CYTIP: variants seen among roughly 807,000 people sequenced by gnomAD.
The protein encoded by CYTIP is cytohesin 1 interacting protein, also known as cytohesin-interacting protein.
In CYTIP, 26 loss-of-function variants were observed where a neutral mutation model predicts 43.8. The observed-to-expected ratio is 0.59, with a 90% CI of 0.44 to 0.82. The LOEUF is 0.82. Among genes scored for constraint, CYTIP ranks in the 40% least tolerant of loss-of-function variants. The probability of loss-of-function intolerance (pLI) is 0.00; values close to 1 mark genes in which losing one functional copy is unlikely to be tolerated. For missense variants in CYTIP, 426 were observed against 443.1 expected, an observed-to-expected ratio of 0.96 and a Z score of 0.35; for synonymous variants, 162 against 162.9, an observed-to-expected ratio of 0.99 and a Z score of 0.04.
Position 157,427,412 on chromosome 2 carries a change from G to A in CYTIP, c.485C>T (p.Thr162Ile), listed in dbSNP as rs749639807. The A allele has an allele frequency of 1.9e-6, 3 of 1,603,616 alleles. No homozygotes were observed. The highest frequency in any genetic ancestry group is 2.5e-6 in the Non-Finnish European group (3 of 1,176,612). Reference sequence around the variant, plus strand: ...TTTCAGAATCATTGTTCCATTAAGAGTCTCTATCCTGTTTTAAGGAAAAAA... The same window carrying A: ...TTTCAGAATCATTGTTCCATTAAGAATCTCTATCCTGTTTTAAGGAAAAAA... Reference protein sequence around the residue: ...RSSGNLLTIETLNGTMILKRT... With the variant: ...RSSGNLLTIEILNGTMILKRT... The change falls in exon 6 of 8, where the codon ACT becomes ATT. Residue 162 changes from threonine (T) to isoleucine (I), a missense_variant. Physicochemically the swap from Thr to Ile is moderately conservative, Grantham distance 89. Coordinates refer to ENST00000264192, the MANE Select transcript of CYTIP (RefSeq NM_004288.5).
chr2:157,433,556 T>C (rs936767724), intron 3 of CYTIP, among the ~76,000 whole-genome samples: 8 of 152,036 alleles, frequency 5.3e-5, no homozygotes, highest in Non-Finnish European at 8.8e-5. Flanking sequence ...AGAATATGAT[T>C]ATGCAAAACA....
intron 1 of CYTIP, among the ~76,000 whole-genome samples, chr2:157,441,149 C>G (rs1455128633): frequency 6.6e-6 from 1 of 152,144 alleles, no homozygotes; most frequent in African/African-American, 2.4e-5. Context: ...AAGCCAACAA[C>G]AACAAGAAGT....
intron 5 of CYTIP, among the ~76,000 whole-genome samples, chr2:157,430,223 A>G (rs192888935): frequency 1.8e-4 from 27 of 152,282 alleles, no homozygotes; most frequent in African/African-American, 6.5e-4. Context: ...GATTATATCA[A>G]CCATGAAAAT....
chr2:157,432,975 A>T (rs1685736674), intron 3 of CYTIP, among the ~76,000 whole-genome samples: 1 of 152,198 alleles, frequency 6.6e-6, no homozygotes, highest in South Asian at 2.1e-4. Context: ...GATCTACAAA[A>T]GTTCAGTGGT....
intron 2 of CYTIP, 82 bp from the exon 3 acceptor site, chr2:157,434,506 G>A (rs1685774799): frequency 4.3e-6 from 5 of 1,158,748 alleles, no homozygotes; most frequent in Non-Finnish European, 6.4e-6. Context: ...AAAAATAACT[G>A]TCACAATTAA....
At position 157,415,685 on chromosome 2, in the gene CYTIP, G is replaced by A. The variant is rs182474447; in HGVS notation, c.1072C>T (p.Arg358Cys). The A allele has an allele frequency of 5.6e-6, 9 of 1,603,388 alleles. No homozygotes were observed. The highest frequency in any genetic ancestry group is 2.2e-5 in the East Asian group (1 of 44,774). ...AAGGACACCACAATCCGTCAAAAGC[G>A]ACTTTCTTCCTCTTCCACAGCACGA... ...LHRAVEEEES[R>C]F The change falls in exon 8 of 8, where the codon CGC becomes TGC. Residue 358 changes from arginine (R) to cysteine (C), a missense_variant. Coordinates refer to ENST00000264192, the MANE Select transcript of CYTIP (RefSeq NM_004288.5).
intron 1 of CYTIP, chr2:157,439,387 C>T (rs1405468656): frequency 6.6e-6 from 1 of 152,096 alleles, no homozygotes; most frequent in Non-Finnish European, 1.5e-5. Flanking sequence ...TCGAAACTAG[C>T]TCACACACCA....
chr2:157,421,965 A>G (rs955938914), intron 6 of CYTIP, among the ~76,000 whole-genome samples: 2 of 152,270 alleles, frequency 1.3e-5, no homozygotes, highest in Non-Finnish European at 2.9e-5. Flanking sequence ...AAATACACCT[A>G]TCTGAAACAC....
rs79499039 is a variant in CYTIP at position 157,427,461 on chromosome 2, G to A, written c.477-41C>T. On this transcript the variant is annotated intron_variant, in intron 5 of 7. Coordinates refer to ENST00000264192, the MANE Select transcript of CYTIP (RefSeq NM_004288.5). ...AAAAAAGAAGAGGAAGGTGGGGAGT[G>A]AGTAACATGAGTGATTCGTTTAAAT... is the stretch of plus-strand genomic sequence containing the variant. 9.3e-4 allele frequency: 1,323 copies of A among 1,418,086 alleles called. 7 individuals are homozygous for A. The African/African-American group carries it at 0.016, about 17-fold the overall frequency. The allele number at this position is 1,418,086 out of a possible 1,614,324, so 87.8% of individuals were successfully genotyped here.
intron 1 of CYTIP, among the ~76,000 whole-genome samples, chr2:157,442,112 TTGCTC>T (rs1685928157): frequency 6.6e-6 from 1 of 152,178 alleles, no homozygotes; most frequent in African/African-American, 2.4e-5. Context: ...AATTTCTCCC[TTGCTC>T]TGGAATACCC....
rs1357462687 is a variant in CYTIP at position 157,415,798 on chromosome 2, T to C, written c.959A>G (p.Asn320Ser). The C allele has an allele frequency of 6.2e-7, 1 of 1,614,176 alleles. No homozygotes were observed. Among genetic ancestry groups the C allele is most frequent in the South Asian group, 1.1e-5 (1 of 91,092 alleles). Residue 320 changes from asparagine (N) to serine (S), a missense_variant, in exon 8 of 8, where the codon AAC (asparagine) becomes AGC (serine). Physicochemically the swap from Asn to Ser is conservative, Grantham distance 46. Coordinates refer to ENST00000264192, the MANE Select transcript of CYTIP (RefSeq NM_004288.5). ...SGSMSPLWEGNLSSMFGTLPR... is the reference protein window; with the variant it reads ...SGSMSPLWEGSLSSMFGTLPR... The stretch of plus-strand genomic sequence containing the variant: ...CAGGGTCCCAAACATGCTTGATAAG[T>C]TGCCCTCCCACAAGGGAGACATGGA...
intron 6 of CYTIP, among the ~76,000 whole-genome samples, chr2:157,426,635 C>G (rs1332909672): frequency 6.6e-6 from 1 of 152,162 alleles, no homozygotes; most frequent in Non-Finnish European, 1.5e-5. Flanking sequence ...TACCTGGTTG[C>G]TCTGCAAGGG....
chr2:157,428,961 G>A (rs149819612), intron 5 of CYTIP, among the ~76,000 whole-genome samples: 5 of 152,310 alleles, frequency 3.3e-5, no homozygotes, highest in African/African-American at 1.2e-4. Context: ...TCCAGAGCAG[G>A]TGGTCAAACC....
chr2:157,425,925 G>A (rs946207090), intron 6 of CYTIP, among the ~76,000 whole-genome samples: 5 of 151,958 alleles, frequency 3.3e-5, no homozygotes, highest in Non-Finnish European at 5.9e-5. Flanking sequence ...CCTAGCCAAT[G>A]CTATAGGAGA....
Position 157,434,435 on chromosome 2 carries a change from A to G in CYTIP, c.225-11T>C. On this transcript the variant is annotated splice_polypyrimidine_tract_variant and intron_variant, in intron 2 of 7. Coordinates refer to ENST00000264192, the MANE Select transcript of CYTIP (RefSeq NM_004288.5). ...ACAGTAACAAGCTTTCTGTAATAAA[A>G]ATGTTTAAAAAAGAAACTGCATGAA... 6.3e-7 allele frequency: 1 copy of G among 1,599,862 alleles called. No homozygotes were observed. Among genetic ancestry groups the G allele is most frequent in the Non-Finnish European group, 8.5e-7 (1 of 1,169,856 alleles).
intron 6 of CYTIP, among the ~76,000 whole-genome samples, chr2:157,422,956 G>A (rs942371778): frequency 1.3e-5 from 2 of 151,952 alleles, no homozygotes; most frequent in African/African-American, 4.8e-5. Flanking sequence ...TATAAATAAA[G>A]ACCTATGAAA....
At chr2:157,433,591 T>C (rs1355982713) in intron 3 of CYTIP, among the ~76,000 whole-genome samples, 2 of 151,658 alleles carry the variant, frequency 1.3e-5, no homozygotes, top group Admixed American at 6.6e-5. Flanking sequence ...GCAAACGTAC[T>C]ATGGAAAAAA....
chr2:157,423,302 G>GA (rs942443408), intron 6 of CYTIP, among the ~76,000 whole-genome samples: 6 of 147,872 alleles, frequency 4.1e-5, no homozygotes, highest in East Asian at 2.0e-4. Context: ...GAGTTATCAA[G>GA]AAAAAAAAAG....
At chr2:157,436,756 A>T (rs903380087) in intron 1 of CYTIP, among the ~76,000 whole-genome samples, 6 of 152,164 alleles carry the variant, frequency 3.9e-5, no homozygotes, top group African/African-American at 1.4e-4. Flanking sequence ...GAAACTTAAA[A>T]ATGGAGAAAT....
Sources: allele counts gnomAD v4.1 joint callset (sites outside exome capture counted in the v4.1 genomes callset), GRCh38; gene constraint gnomAD v4.1.1; transcripts MANE v1.5; gene names NCBI Gene and HGNC (gene_info 2026-07-23, HGNC 2026-07-21).